Variants in FLI1 observed in about 807,000 individuals in gnomAD.
FLI1 encodes Fli-1 proto-oncogene, ETS transcription factor.
Under a neutral mutation model 53.1 loss-of-function variants are expected in FLI1, and 13 were observed. That is an observed-to-expected ratio of 0.24 (90% CI 0.16 to 0.39). FLI1 has a LOEUF of 0.39. Ranked by LOEUF, FLI1 falls within the 10% of genes least tolerant of loss-of-function variation. The pLI is 1.00. For missense variants in FLI1, 424 were observed against 600.5 expected, an observed-to-expected ratio of 0.71 and a Z score of 3.07; for synonymous variants, 244 against 236.7, an observed-to-expected ratio of 1.03 and a Z score of -0.28.
chr11:128,779,289 T>G (rs1941838169), intron 4 of FLI1, among the ~76,000 whole-genome samples: 1 of 152,222 alleles, frequency 6.6e-6, no homozygotes. Context: ...GCTCCAGCAG[T>G]GAGGTTTCAG....
At chr11:128,738,640 C>T (rs897793223) in intron 1 of FLI1, among the ~76,000 whole-genome samples, 1 of 152,248 alleles carries the variant, frequency 6.6e-6, no homozygotes, top group South Asian at 2.1e-4. Context: ...CTAGCTCAGG[C>T]GCAGTTTCTT....
At chr11:128,708,203 G>A (rs1246632714) in intron 1 of FLI1, among the ~76,000 whole-genome samples, 16 of 152,186 alleles carry the variant, frequency 1.1e-4, no homozygotes, top group African/African-American at 1.7e-4. Context: ...GGAGAGGAGC[G>A]TTACATGAGA....
chr11:128,745,172 T>C (rs1443770734), intron 1 of FLI1, among the ~76,000 whole-genome samples: 1 of 151,834 alleles, frequency 6.6e-6, no homozygotes, highest in Non-Finnish European at 1.5e-5. Flanking sequence ...AGAAAAACTA[T>C]TTGAAATAGG....
At chr11:128,789,835 T>G (rs1292723954) in intron 5 of FLI1, among the ~76,000 whole-genome samples, 3 of 152,212 alleles carry the variant, frequency 2.0e-5, no homozygotes, top group African/African-American at 7.2e-5. Flanking sequence ...TGAGGTAATC[T>G]CCTGTTATTT....
At chr11:128,747,551 G>A (rs150729715) in intron 1 of FLI1, among the ~76,000 whole-genome samples, 12 of 152,306 alleles carry the variant, frequency 7.9e-5, no homozygotes, top group African/African-American at 1.7e-4. Flanking sequence ...TACTGGCTCC[G>A]TCTTACAGAA....
chr11:128,729,050 G>C (rs772018214), intron 1 of FLI1, among the ~76,000 whole-genome samples: 1 of 152,192 alleles, frequency 6.6e-6, no homozygotes, highest in Non-Finnish European at 1.5e-5. Flanking sequence ...GAGCTCCTGC[G>C]TGAATCCTAA....
rs139308939 is a variant in FLI1, at chr11:128,737,723, G to T, written c.19-20392G>T. The stretch of plus-strand genomic sequence containing the variant: ...GGTACCTAAGATAGCTTATGTGAAT[G>T]ATGTCACTTTTAGCCTTAGGAAATG... On this transcript the variant is annotated intron_variant, in intron 1 of 8. Transcript: ENST00000527786. 2.4e-3 allele frequency among the ~76,000 whole-genome samples: 358 copies of T among 152,310 alleles called. 2 individuals carry two copies. Among genetic ancestry groups the T allele is most frequent in the African/African-American group, 8.2e-3 (339 of 41,564 alleles).
chr11:128,686,428 T>TG (rs1565446984), upstream of FLI1: 2 of 456,260 alleles, frequency 4.4e-6, no homozygotes, highest in East Asian at 1.4e-4. Context: ...CACCGTCCCC[T>TG]GGCCTGAAGC....
chr11:128,718,132 T>A (rs907689091), intron 1 of FLI1, among the ~76,000 whole-genome samples: 1 of 152,236 alleles, frequency 6.6e-6, no homozygotes. Flanking sequence ...AGCCACTACC[T>A]GGAATATGTC....
chr11:128,695,217 AGGGTTT>A (rs1938005812), intron 1 of FLI1, among the ~76,000 whole-genome samples: 3 of 152,144 alleles, frequency 2.0e-5, no homozygotes, highest in Admixed American at 2.0e-4. Flanking sequence ...CGGAAAGGTG[AGGGTTT>A]GGGTTCGCGT....
In FLI1 at chr11:128,747,257, G is replaced by A. The variant is rs577256891; in HGVS notation, c.19-10858G>A. Among the ~76,000 whole-genome samples the A allele has an allele frequency of 1.6e-4, 25 of 152,336 alleles. 1 individual carries two copies. The highest frequency in any genetic ancestry group is 8.5e-4 in the Admixed American group (13 of 15,302). ...GAGGAGGGAAATGACGAATCTCAGC[G>A]CAGCAGCACTTTATCCACCTGTGTG... On this transcript the variant is annotated intron_variant, in intron 1 of 8. Transcript: ENST00000527786.
chr11:128,793,897 T>C (rs1942352000), intron 5 of FLI1, among the ~76,000 whole-genome samples: 1 of 152,124 alleles, frequency 6.6e-6, no homozygotes, highest in African/African-American at 2.4e-5. Context: ...TCGTTCCCAT[T>C]GGACTCAGCC....
At chr11:128,765,088 G>A in intron 2 of FLI1, among the ~76,000 whole-genome samples, 1 of 152,094 alleles carries the variant, frequency 6.6e-6, no homozygotes, top group East Asian at 1.9e-4. Flanking sequence ...GGAACTGGGA[G>A]AACTTCTATG....
At chr11:128,803,533 C>T (rs1018514301) in intron 5 of FLI1, among the ~76,000 whole-genome samples, 1 of 152,218 alleles carries the variant, frequency 6.6e-6, no homozygotes, top group African/African-American at 2.4e-5. Flanking sequence ...GTTCCACTCA[C>T]CTCTCTGTCA....
At chr11:128,735,763 C>T (rs545554334) in intron 1 of FLI1, among the ~76,000 whole-genome samples, 2 of 152,334 alleles carry the variant, frequency 1.3e-5, no homozygotes, top group African/African-American at 4.8e-5. Flanking sequence ...GAGCCTCCCC[C>T]CACCTTTAGA....
chr11:128,767,529 G>A (rs490732), intron 2 of FLI1, among the ~76,000 whole-genome samples: 33,570 of 152,196 alleles, frequency 0.22, 4,308 homozygotes, highest in South Asian at 0.35. Flanking sequence ...TGGGAAATTC[G>A]AATACAACAG....
At chr11:128,800,608 G>T (rs139620398) in intron 5 of FLI1, among the ~76,000 whole-genome samples, 1 of 150,938 alleles carries the variant, frequency 6.6e-6, no homozygotes, top group Non-Finnish European at 1.5e-5. Context: ...AACAGCTTTC[G>T]CCTTCCAACA....
intron 1 of FLI1, among the ~76,000 whole-genome samples, chr11:128,733,551 T>C (rs1227795093): frequency 6.6e-6 from 1 of 152,184 alleles, no homozygotes; most frequent in Non-Finnish European, 1.5e-5. Flanking sequence ...AATGGAAACA[T>C]GCAAAGTGAG....
chr11:128,768,354 A>T, intron 3 of FLI1, 82 bp downstream of exon 3: 2 of 1,536,206 alleles, frequency 1.3e-6, no homozygotes, highest in East Asian at 2.3e-5. Context: ...CCTTTATCTG[A>T]TACTCTATTC....
Sources: gnomAD v4.1 joint callset for allele counts (sites outside exome capture counted in the v4.1 genomes callset) on GRCh38, gnomAD v4.1.1 for gene constraint, MANE v1.5 for transcripts, NCBI Gene and HGNC (gene_info 2026-07-23, HGNC 2026-07-21) for gene names.